The following LRRTM4 variants were observed in gnomAD, a reference collection of about 807,000 sequenced individuals.
LRRTM4 encodes leucine rich repeat transmembrane neuronal 4, also known as leucine-rich repeat transmembrane neuronal protein 4.
A neutral mutation model predicts 47.6 loss-of-function variants in LRRTM4; 25 were observed. The observed-to-expected ratio is 0.53, with a 90% CI of 0.38 to 0.73. The LOEUF is 0.73. Among genes scored for constraint, LRRTM4 ranks in the 30% least tolerant of loss-of-function variants. LRRTM4 has a pLI of 0.00. For synonymous variants in LRRTM4, 311 were observed against 269.5 expected (o/e 1.15, Z -1.51); for missense variants, 638 against 713.4 (o/e 0.89, Z 1.20).
chr2:77,142,160 G>T (rs185655037), intron 3 of LRRTM4, among the ~76,000 whole-genome samples: 3 of 152,282 alleles, frequency 2.0e-5, no homozygotes, highest in African/African-American at 7.2e-5. Flanking sequence ...GTTTCTAAAA[G>T]TCTTCCTCGG....
intron 3 of LRRTM4, among the ~76,000 whole-genome samples, chr2:77,124,737 G>C (rs758963556): frequency 6.6e-6 from 1 of 152,062 alleles, no homozygotes; most frequent in East Asian, 1.9e-4. Context: ...GATGTGCGTC[G>C]CGTGTTTTCC....
chr2:76,922,348 C>G (rs982456811), intron 3 of LRRTM4, among the ~76,000 whole-genome samples: 10 of 152,020 alleles, frequency 6.6e-5, no homozygotes, highest in South Asian at 2.1e-4. Flanking sequence ...GCAAGCACAT[C>G]TTACCCTGGC....
At chr2:77,219,403 A>G (rs1470594505) in intron 3 of LRRTM4, among the ~76,000 whole-genome samples, 1 of 152,146 alleles carries the variant, frequency 6.6e-6, no homozygotes, top group Non-Finnish European at 1.5e-5. Flanking sequence ...AAGGCCTCAA[A>G]TCCCTTCCCC....
At chr2:77,353,223 G>A (rs1490324604) in intron 3 of LRRTM4, among the ~76,000 whole-genome samples, 1 of 152,058 alleles carries the variant, frequency 6.6e-6, no homozygotes, top group Non-Finnish European at 1.5e-5. Context: ...AACATCTGTT[G>A]GATAGTTCTC....
At chr2:77,105,042 A>G (rs1396107980) in intron 3 of LRRTM4, among the ~76,000 whole-genome samples, 1 of 140,834 alleles carries the variant, frequency 7.1e-6, no homozygotes, top group Non-Finnish European at 1.5e-5. Context: ...AGCTAACTAA[A>G]AAAATGAAAA....
At chr2:77,137,324 A>G (rs1043202610) in intron 3 of LRRTM4, among the ~76,000 whole-genome samples, 4 of 151,928 alleles carry the variant, frequency 2.6e-5, no homozygotes, top group Admixed American at 6.6e-5. Flanking sequence ...AATATTCAGC[A>G]TTCTTAAAGA....
At chr2:76,762,536 T>A (rs1044566674) in intron 3 of LRRTM4, among the ~76,000 whole-genome samples, 2 of 152,218 alleles carry the variant, frequency 1.3e-5, no homozygotes, top group Non-Finnish European at 2.9e-5. Flanking sequence ...TTTAATTTTA[T>A]GTGGCTTCTA....
intron 3 of LRRTM4, among the ~76,000 whole-genome samples, chr2:76,893,345 T>C (rs193207487): frequency 8.6e-5 from 13 of 151,820 alleles, no homozygotes; most frequent in Non-Finnish European, 1.6e-4. Context: ...TAAAAAGCCA[T>C]TATTAATTTT....
chr2:77,159,278 AAC>A (rs1405878885), intron 3 of LRRTM4, among the ~76,000 whole-genome samples: 1 of 152,316 alleles, frequency 6.6e-6, no homozygotes, highest in East Asian at 1.9e-4. Context: ...TACTGAGATA[AAC>A]AGTCAGTTGA....
At chr2:77,249,464 G>T (rs775370553) in intron 3 of LRRTM4, among the ~76,000 whole-genome samples, 3 of 149,084 alleles carry the variant, frequency 2.0e-5, no homozygotes, top group Non-Finnish European at 3.0e-5. Context: ...AGACATATCT[G>T]ACAATGCATT....
chr2:76,868,207 C>T (rs1422819882), intron 3 of LRRTM4, among the ~76,000 whole-genome samples: 1 of 152,070 alleles, frequency 6.6e-6, no homozygotes, highest in Non-Finnish European at 1.5e-5. Context: ...ATATGATTTC[C>T]ATCCAAAAAT....
intron 3 of LRRTM4, among the ~76,000 whole-genome samples, chr2:77,165,346 AG>A (rs1226079831): frequency 6.6e-6 from 1 of 152,172 alleles, no homozygotes; most frequent in Non-Finnish European, 1.5e-5. Context: ...AAAAAAGTCC[AG>A]GACCGACAGA....
intron 3 of LRRTM4, among the ~76,000 whole-genome samples, chr2:77,316,113 C>G (rs1188315174): frequency 1.3e-5 from 2 of 152,124 alleles, no homozygotes; most frequent in Non-Finnish European, 2.9e-5. Context: ...TTCTCTTTAA[C>G]AGAGGCAAAA....
chr2:76,760,901 C>T (rs1673229443), intron 3 of LRRTM4, among the ~76,000 whole-genome samples: 1 of 152,212 alleles, frequency 6.6e-6, no homozygotes, highest in South Asian at 2.1e-4. Flanking sequence ...TTTCTTCAGC[C>T]ATCCGAAATG....
In LRRTM4 at chr2:77,029,053, ATATAT is replaced by A. The variant is rs1439532530; in HGVS notation, c.1552-280142_1552-280138del. The stretch of plus-strand genomic sequence containing the variant: ...CCATCACACACACACACACACACAA[ATATAT>A]ATATATATATATAATATATATATAT... On this transcript the variant is annotated intron_variant, in intron 3 of 3. Coordinates refer to ENST00000409884, the MANE Select transcript of LRRTM4 (RefSeq NM_001134745.3). 2.2e-3 allele frequency among the ~76,000 whole-genome samples: 306 copies of A among 137,246 alleles called. 8 individuals are homozygous for A. The highest frequency in any genetic ancestry group is 0.022 in the East Asian group (96 of 4,448). 90.0% of individuals were successfully genotyped at this position (137,246 alleles called of 152,430 possible).
intron 3 of LRRTM4, among the ~76,000 whole-genome samples, chr2:77,082,780 T>G (rs1006329665): frequency 1.3e-5 from 2 of 152,120 alleles, no homozygotes; most frequent in Admixed American, 6.5e-5. Context: ...TAACAAGTAT[T>G]TCTTTCTATG....
At chr2:77,071,267 T>C (rs1680147186) in intron 3 of LRRTM4, among the ~76,000 whole-genome samples, 1 of 152,202 alleles carries the variant, frequency 6.6e-6, no homozygotes, top group African/African-American at 2.4e-5. Flanking sequence ...TTGTTTGTGC[T>C]TCAGAATGCT....
chr2:76,820,407 A>G (rs1671019925), intron 3 of LRRTM4, among the ~76,000 whole-genome samples: 1 of 151,918 alleles, frequency 6.6e-6, no homozygotes, highest in South Asian at 2.1e-4. Flanking sequence ...TGTTAGTAGG[A>G]TTAGAGAATA....
intron 3 of LRRTM4, among the ~76,000 whole-genome samples, chr2:77,051,231 T>C (rs949736545): frequency 1.3e-5 from 2 of 151,954 alleles, no homozygotes; most frequent in African/African-American, 4.8e-5. Context: ...CAAAGAACTA[T>C]CTAGTTCAAA....
Sources: gnomAD v4.1 joint callset for allele counts (sites outside exome capture counted in the v4.1 genomes callset) on GRCh38, gnomAD v4.1.1 for gene constraint, MANE v1.5 for transcripts, NCBI Gene and HGNC (gene_info 2026-07-23, HGNC 2026-07-21) for gene names.